GRAMD1B: variants seen among roughly 807,000 people sequenced by gnomAD.
The protein encoded by GRAMD1B is GRAM domain containing 1B.
GRAMD1B carries 37 observed loss-of-function variants against 99.7 expected under a neutral mutation model. The ratio of observed to expected loss-of-function variants is 0.37; its 90% confidence interval spans 0.29 to 0.49. GRAMD1B has a LOEUF of 0.49. Ranked by LOEUF, GRAMD1B falls within the 20% of genes least tolerant of loss-of-function variation. The pLI is 0.98. For synonymous variants in GRAMD1B, 427 were observed against 387.6 expected (o/e 1.10, Z -1.19); for missense variants, 888 against 1,009.2 (o/e 0.88, Z 1.63).
intron 1 of GRAMD1B, among the ~76,000 whole-genome samples, chr11:123,378,780 T>A (rs1029979743): frequency 6.6e-6 from 1 of 152,236 alleles, no homozygotes; most frequent in African/African-American, 2.4e-5. Context: ...TCAGTGAACA[T>A]CTGCATGTAT....
At chr11:123,581,372 G>A (rs1949334108) in intron 3 of GRAMD1B, among the ~76,000 whole-genome samples, 2 of 152,198 alleles carry the variant, frequency 1.3e-5, no homozygotes, top group Admixed American at 1.3e-4. Flanking sequence ...AAAGCCAGAG[G>A]ATGAGGGACG....
At chr11:123,360,907 T>G (rs1421450235) in intron 1 of GRAMD1B, among the ~76,000 whole-genome samples, 2 of 147,750 alleles carry the variant, frequency 1.4e-5, no homozygotes, top group African/African-American at 2.6e-5. Flanking sequence ...ACCTCCGCCT[T>G]CCGGTTTCAA....
rs549134491 is a variant in GRAMD1B, at chr11:123,431,116, C to A, written c.324C>A (p.Leu108=). The A allele has an allele frequency of 1.1e-5, 8 of 702,956 alleles. No individual in the cohort carries two copies. The highest frequency in any genetic ancestry group is 1.6e-5 in the Non-Finnish European group (6 of 385,018). The allele number at this position is 702,956 out of a possible 1,614,324, so 43.5% of individuals were successfully genotyped here. ...CGTCCCCGCGCCGAAAACGCTTCCT[C>A]CTCCGCAAGTGGCTGAGGGTGAGGG... The part of the protein sequence containing the change: ...PSASPRRKRF[L]LRKWLRVRER... The change falls in exon 1 of 20, where the codon CTC becomes CTA. Residue 108 remains leucine, a synonymous_variant. Coordinates refer to ENST00000635736, the MANE Select transcript of GRAMD1B (RefSeq NM_001387025.1).
At chr11:123,481,675 A>G (rs1021333753) in intron 2 of GRAMD1B, among the ~76,000 whole-genome samples, 7 of 152,178 alleles carry the variant, frequency 4.6e-5, no homozygotes, top group Non-Finnish European at 2.9e-5. Flanking sequence ...AGGCTCTTCA[A>G]TGGTTGGTTG....
At chr11:123,380,177 T>A (rs916263476) in intron 1 of GRAMD1B, among the ~76,000 whole-genome samples, 20 of 152,232 alleles carry the variant, frequency 1.3e-4, no homozygotes, top group Non-Finnish European at 5.9e-5. Flanking sequence ...ACCTTCTAAT[T>A]TCGATGACGT....
At chr11:123,480,334 A>T (rs556314618) in intron 1 of GRAMD1B, among the ~76,000 whole-genome samples, 6 of 151,740 alleles carry the variant, frequency 4.0e-5, no homozygotes, top group African/African-American at 1.5e-4. Flanking sequence ...AGACTAGGTG[A>T]CCCCTGGCCC....
At chr11:123,517,646 CG>C (rs144862330) in intron 2 of GRAMD1B, among the ~76,000 whole-genome samples, 25,610 of 152,004 alleles carry the variant, frequency 0.17, 2,272 homozygotes, top group Non-Finnish European at 0.19. Flanking sequence ...TACACACCAC[CG>C]GGGGTGGTGT....
intron 2 of GRAMD1B, among the ~76,000 whole-genome samples, chr11:123,524,698 C>T (rs776881053): frequency 4.6e-5 from 7 of 152,076 alleles, no homozygotes; most frequent in Admixed American, 6.6e-5. Context: ...GATGTTCATA[C>T]GACACGAGGA....
chr11:123,593,926 G>A (rs117543097), intron 4 of GRAMD1B, among the ~76,000 whole-genome samples, 156 bp from the exon 5 acceptor site: 2,053 of 152,208 alleles, frequency 0.013, 11 homozygotes, highest in Middle Eastern at 0.024. Flanking sequence ...TCCACACCGA[G>A]GCGCCGTTCC....
At chr11:123,565,003 A>G (rs1047144949) in intron 2 of GRAMD1B, among the ~76,000 whole-genome samples, 10 of 152,122 alleles carry the variant, frequency 6.6e-5, no homozygotes, top group African/African-American at 2.4e-4. Context: ...GTTAGAGGCA[A>G]GTTTATTATA....
In GRAMD1B at chr11:123,448,399, T is replaced by C. The variant is rs549408136; in HGVS notation, c.374+17233T>C. ...CACACCCAGCTAACTTTTGTATTTT[T>C]GGTAGAGACGGGGTTTCGCCATATT... On this transcript the variant is annotated intron_variant, in intron 1 of 19. Coordinates refer to ENST00000635736, the MANE Select transcript of GRAMD1B (RefSeq NM_001387025.1). Among the ~76,000 whole-genome samples, 8 of 152,238 alleles carry C rather than the reference T, an allele frequency of 5.3e-5. No individual in the cohort carries two copies. In the South Asian group the frequency reaches 8.3e-4, roughly 16 times the overall value.
chr11:123,362,075 A>C (rs1449230035), intron 1 of GRAMD1B, among the ~76,000 whole-genome samples: 1 of 152,246 alleles, frequency 6.6e-6, no homozygotes, highest in African/African-American at 2.4e-5. Context: ...TTTGTGACAT[A>C]GTGGTCTGTT....
Position 123,430,884 on chromosome 11 carries a change from C to A in GRAMD1B, c.92C>A (p.Ser31Tyr). 1.4e-6 allele frequency: 1 copy of A among 702,522 alleles called. No individual in the cohort carries two copies. The highest frequency in any genetic ancestry group is 2.6e-6 in the Non-Finnish European group (1 of 384,818). The allele number at this position is 702,522 out of a possible 1,614,324, so 43.5% of individuals were successfully genotyped here. The change falls in exon 1 of 20, where the codon TCC (serine) becomes TAC (tyrosine). Residue 31 changes from serine (S) to tyrosine (Y), a missense_variant. Coordinates refer to ENST00000635736, the MANE Select transcript of GRAMD1B (RefSeq NM_001387025.1). ...QGAPEGSPVW[S>Y]SSSTPTLRRR... ...GCGCCCGAGGGCAGCCCGGTCTGGT[C>A]CAGTTCGTCGACCCCCACGCTTCGC...
intron 7 of GRAMD1B, chr11:123,599,561 C>T: frequency 2.2e-6 from 1 of 450,996 alleles, no homozygotes; most frequent in Non-Finnish European, 4.2e-6. Flanking sequence ...CAACCTCTGC[C>T]TTCTGGGTTC....
chr11:123,381,272 C>T (rs1208030156), intron 1 of GRAMD1B, among the ~76,000 whole-genome samples: 1 of 152,208 alleles, frequency 6.6e-6, no homozygotes, highest in East Asian at 1.9e-4. Flanking sequence ...TAGGAAGAGG[C>T]TGCTGCTGGG....
intron 2 of GRAMD1B, among the ~76,000 whole-genome samples, chr11:123,513,117 A>C (rs1253158312): frequency 6.6e-6 from 1 of 152,188 alleles, no homozygotes. Flanking sequence ...AAATGTCTAA[A>C]TACTTGAAAA....
intron 1 of GRAMD1B, among the ~76,000 whole-genome samples, chr11:123,392,478 T>C (rs529636272): frequency 6.4e-4 from 97 of 151,890 alleles, no homozygotes; most frequent in African/African-American, 2.2e-3. Context: ...TTACTGTCAG[T>C]TTCATATCAA....
chr11:123,489,590 G>T (rs530905107), intron 2 of GRAMD1B, among the ~76,000 whole-genome samples: 1 of 152,294 alleles, frequency 6.6e-6, no homozygotes, highest in East Asian at 1.9e-4. Context: ...CTCTGCAGTG[G>T]CAATTTGTGG....
intron 1 of GRAMD1B, among the ~76,000 whole-genome samples, chr11:123,419,048 T>A (rs886289320): frequency 3.3e-5 from 5 of 152,202 alleles, no homozygotes; most frequent in Middle Eastern, 3.2e-3. Context: ...GTGGGTAAAC[T>A]GCTTTGAGAT....
Sources: allele counts gnomAD v4.1 joint callset (sites outside exome capture counted in the v4.1 genomes callset), GRCh38; gene constraint gnomAD v4.1.1; transcripts MANE v1.5; gene names NCBI Gene and HGNC (gene_info 2026-07-23, HGNC 2026-07-21).